SCFD2: variants seen among roughly 807,000 people sequenced by gnomAD.
SCFD2 encodes the protein sec1 family domain containing 2, also known as sec1 family domain-containing protein 2.
In SCFD2, 54 loss-of-function variants were observed where a neutral mutation model predicts 58.9. That is an observed-to-expected ratio of 0.92 (90% CI 0.74 to 1.15). The LOEUF (loss-of-function observed/expected upper bound fraction) is 1.15. Ranked by LOEUF, SCFD2 falls within the 50% of genes most tolerant of loss-of-function variation. The probability of loss-of-function intolerance (pLI) is 0.00; values close to 1 mark genes in which losing one functional copy is unlikely to be tolerated. For missense variants in SCFD2, 805 were observed against 836.6 expected (o/e 0.96, Z 0.47); for synonymous variants, 321 against 335.9 (o/e 0.96, Z 0.49).
At chr4:52,874,099 A>G (rs781313425) in intron 8 of SCFD2, 38 bp from the exon 9 acceptor site, 5 of 1,345,408 alleles carry the variant, frequency 3.7e-6, no homozygotes, top group Non-Finnish European at 4.3e-6. Flanking sequence ...GCAGGGAATT[A>G]GGGGGGCCAA....
intron 7 of SCFD2, among the ~76,000 whole-genome samples, chr4:52,905,430 A>G (rs1719321231): frequency 6.6e-6 from 1 of 152,212 alleles, no homozygotes; most frequent in African/African-American, 2.4e-5. Context: ...GCTGGAGTGG[A>G]CAGGGCTTTG....
chr4:53,042,190 T>C (rs1013832937), intron 5 of SCFD2, among the ~76,000 whole-genome samples: 2 of 152,176 alleles, frequency 1.3e-5, no homozygotes, highest in Non-Finnish European at 2.9e-5. Flanking sequence ...TCATTCTCTA[T>C]ACACCACGGT....
At chr4:52,918,410 G>T (rs1369508315) in intron 6 of SCFD2, among the ~76,000 whole-genome samples, 1 of 152,028 alleles carries the variant, frequency 6.6e-6, no homozygotes, top group African/African-American at 2.4e-5. Flanking sequence ...CTAGGTACTG[G>T]GGATACGGCA....
chr4:53,030,379 T>C (rs559107930), intron 5 of SCFD2, among the ~76,000 whole-genome samples: 22 of 151,356 alleles, frequency 1.5e-4, no homozygotes, highest in African/African-American at 5.3e-4. Context: ...CTTCTTATAT[T>C]GCACATGAGA....
chr4:52,952,467 G>A (rs374683743), intron 5 of SCFD2, among the ~76,000 whole-genome samples: 9 of 152,082 alleles, frequency 5.9e-5, no homozygotes, highest in African/African-American at 1.7e-4. Flanking sequence ...GACAGCTCCT[G>A]AGAGAGAAAG....
Position 53,110,359 on chromosome 4 carries a change from A to C in SCFD2, c.1561+34974T>G, listed in dbSNP as rs536066742. ...AAAGACTTCATGACCAAAACACCAA[A>C]AGCAATGGGAACAAAAGCCAAAATT... On this transcript the variant is annotated intron_variant, in intron 5 of 8. Coordinates refer to ENST00000401642, the MANE Select transcript of SCFD2 (RefSeq NM_152540.4). Among the ~76,000 whole-genome samples the C allele has an allele frequency of 2.0e-5, 3 of 152,302 alleles. No individual in the cohort carries two copies. In the South Asian group the frequency reaches 6.2e-4, roughly 32 times the overall value.
chr4:53,176,936 G>C (rs1252979302), intron 4 of SCFD2, among the ~76,000 whole-genome samples: 3 of 119,352 alleles, frequency 2.5e-5, no homozygotes, highest in Non-Finnish European at 1.7e-5. Context: ...AAAACAGAGT[G>C]ACAACAATCT....
intron 5 of SCFD2, among the ~76,000 whole-genome samples, chr4:52,935,162 C>T (rs1259049696): frequency 6.6e-6 from 1 of 152,174 alleles, no homozygotes. Context: ...TGAATTGGAA[C>T]TTCCCAAAAC....
chr4:53,173,482 G>A (rs1398593783), intron 4 of SCFD2, among the ~76,000 whole-genome samples: 2 of 146,354 alleles, frequency 1.4e-5, no homozygotes, highest in Admixed American at 7.1e-5. Context: ...TTAAAAGTGA[G>A]GTAAGTCTCT....
chr4:53,216,783 T>C (rs905065142), intron 4 of SCFD2, among the ~76,000 whole-genome samples: 5 of 152,248 alleles, frequency 3.3e-5, no homozygotes, highest in Non-Finnish European at 5.9e-5. Context: ...TGTGGGCATC[T>C]AGTGCTATAA....
chr4:53,033,014 T>C (rs7673017), intron 5 of SCFD2, among the ~76,000 whole-genome samples: 32,868 of 152,038 alleles, frequency 0.22, 5,957 homozygotes, highest in African/African-American at 0.5. Flanking sequence ...ACAGAATATA[T>C]ACTCTTCTCA....
At chr4:53,251,564 C>A (rs1186522156) in intron 4 of SCFD2, among the ~76,000 whole-genome samples, 1 of 152,120 alleles carries the variant, frequency 6.6e-6, no homozygotes, top group African/African-American at 2.4e-5. Flanking sequence ...CCCTGGGATG[C>A]AAGGCTGGTT....
At chr4:52,934,459 T>C (rs1720082119) in intron 5 of SCFD2, among the ~76,000 whole-genome samples, 1 of 152,238 alleles carries the variant, frequency 6.6e-6, no homozygotes. Flanking sequence ...AAAAAATTTT[T>C]ATGGAAATTG....
At chr4:53,332,478 C>T (rs1470012329) in intron 2 of SCFD2, among the ~76,000 whole-genome samples, 1 of 152,080 alleles carries the variant, frequency 6.6e-6, no homozygotes, top group African/African-American at 2.4e-5. Flanking sequence ...AGCATATAAA[C>T]AGAACCAAAG....
At chr4:53,045,101 G>A (rs1026517295) in intron 5 of SCFD2, among the ~76,000 whole-genome samples, 3 of 152,134 alleles carry the variant, frequency 2.0e-5, no homozygotes, top group Non-Finnish European at 1.5e-5. Context: ...ATGACAAAGT[G>A]TGATCCCCAA....
chr4:53,134,271 A>C (rs73250937), intron 5 of SCFD2, among the ~76,000 whole-genome samples: 22,882 of 152,208 alleles, frequency 0.15, 2,204 homozygotes, highest in Admixed American at 0.24. Context: ...TCTGCTGTGC[A>C]ACATGGTGCC....
intron 2 of SCFD2, among the ~76,000 whole-genome samples, chr4:53,332,140 G>A (rs1339082885): frequency 4.6e-5 from 7 of 150,824 alleles, no homozygotes; most frequent in African/African-American, 1.5e-4. Flanking sequence ...AGGACCAGAC[G>A]GATTCACAGC....
intron 5 of SCFD2, among the ~76,000 whole-genome samples, chr4:53,046,290 G>A (rs1179242727): frequency 2.6e-5 from 4 of 151,998 alleles, no homozygotes; most frequent in East Asian, 3.9e-4. Flanking sequence ...GTGTGAACAC[G>A]GCTCACTGCA....
intron 5 of SCFD2, among the ~76,000 whole-genome samples, chr4:53,105,618 A>T (rs1048594382): frequency 6.6e-6 from 1 of 152,222 alleles, no homozygotes; most frequent in Non-Finnish European, 1.5e-5. Flanking sequence ...AAGCCGCAGT[A>T]GTCAGATTGC....
Sources: gnomAD v4.1 joint callset for allele counts (sites outside exome capture counted in the v4.1 genomes callset) on GRCh38, gnomAD v4.1.1 for gene constraint, MANE v1.5 for transcripts, NCBI Gene and HGNC (gene_info 2026-07-23, HGNC 2026-07-21) for gene names.